GINS1: variants seen among roughly 807,000 people sequenced by gnomAD.
The protein encoded by GINS1 is GINS complex subunit 1, also known as DNA replication complex GINS protein PSF1.
In GINS1, 26 loss-of-function variants were observed where a neutral mutation model predicts 34.9. The ratio of observed to expected loss-of-function variants is 0.74; its 90% CI spans 0.55 to 1.03. GINS1 has a LOEUF of 1.03. Among genes scored for constraint, GINS1 ranks in the 50% least tolerant of loss-of-function variants. The probability of loss-of-function intolerance (pLI) is 0.00; values close to 1 mark genes in which losing one functional copy is unlikely to be tolerated. For synonymous variants in GINS1, 97 were observed against 84.4 expected (o/e 1.15, Z -0.82); for missense variants, 235 against 237.9 (o/e 0.99, Z 0.08).
intron 1 of GINS1, 142 bp downstream of exon 1, chr20:25,408,037 A>T (rs1475491157): frequency 3.0e-6 from 2 of 660,892 alleles, no homozygotes; most frequent in Non-Finnish European, 5.5e-6. Context: ...AACAAAATTC[A>T]GGAGGAAAGA....
chr20:25,430,366 T>G (rs150307049), intron 5 of GINS1, among the ~76,000 whole-genome samples: 1 of 152,376 alleles, frequency 6.6e-6, no homozygotes, highest in African/African-American at 2.4e-5. Context: ...CTGTATCAAT[T>G]GAAATGATCA....
intron 4 of GINS1, among the ~76,000 whole-genome samples, chr20:25,418,488 A>T (rs1288902363): frequency 1.3e-5 from 2 of 152,162 alleles, no homozygotes; most frequent in Non-Finnish European, 2.9e-5. Context: ...ATTCCATGAA[A>T]TGTTTACATG....
rs1328634471 is a variant in GINS1, at chr20:25,448,271, C to T, written c.*2280C>T. On this transcript the variant is annotated 3_prime_UTR_variant, in exon 7 of 7. Coordinates refer to ENST00000262460, the MANE Select transcript of GINS1 (RefSeq NM_021067.5). The stretch of plus-strand genomic sequence containing the variant: ...TCTTAATAATATTGAGTCTTCTGGC[C>T]TATAAACAAGGTCTGTCTTCCTAGG... The T allele has an allele frequency of 6.6e-6, 1 of 152,156 alleles. No individual in the cohort carries two copies. Among genetic ancestry groups the T allele is most frequent in the Non-Finnish European group, 1.5e-5 (1 of 68,042 alleles). The allele number at this position is 152,156 out of a possible 1,614,324, so 9.4% of individuals were successfully genotyped here. A position where few individuals can be genotyped will look rare whatever the true frequency, so the allele number is the denominator to read the frequency against.
chr20:25,414,832 A>G (rs2090310060), intron 2 of GINS1, among the ~76,000 whole-genome samples: 1 of 152,244 alleles, frequency 6.6e-6, no homozygotes, highest in Non-Finnish European at 1.5e-5. Context: ...GGATATAAAT[A>G]GGAGCAGCAG....
intron 1 of GINS1, among the ~76,000 whole-genome samples, chr20:25,409,538 A>C (rs2090270108): frequency 6.6e-6 from 1 of 152,200 alleles, no homozygotes; most frequent in Non-Finnish European, 1.5e-5. Context: ...GGTAAACAAC[A>C]TCAGAGTTCA....
At chr20:25,423,392 G>A (rs2500447) in intron 4 of GINS1, among the ~76,000 whole-genome samples, 4,026 of 147,786 alleles carry the variant, frequency 0.027, 174 homozygotes, top group African/African-American at 0.091. Flanking sequence ...GATTACAGGA[G>A]TGAGCCACCG....
chr20:25,412,415 C>A (rs6037112), intron 1 of GINS1, among the ~76,000 whole-genome samples: 15 of 150,926 alleles, frequency 9.9e-5, no homozygotes, highest in Non-Finnish European at 1.9e-4. Flanking sequence ...ATTAGCCAGG[C>A]GTGGTGGTGG....
At chr20:25,430,689 C>A (rs2090422283) in intron 5 of GINS1, among the ~76,000 whole-genome samples, 2 of 152,180 alleles carry the variant, frequency 1.3e-5, no homozygotes, top group Non-Finnish European at 1.5e-5. Flanking sequence ...TGCCACCACA[C>A]CCGGCTAATT....
At chr20:25,427,137 A>C (rs1600932311) in intron 5 of GINS1, among the ~76,000 whole-genome samples, 1 of 152,154 alleles carries the variant, frequency 6.6e-6, no homozygotes, top group East Asian at 1.9e-4. Context: ...TTTTCTCCAC[A>C]TCCTCACCAA....
At chr20:25,407,954 G>T (rs2090257554) in intron 1 of GINS1, 59 bp downstream of exon 1, 1 of 1,289,502 alleles carries the variant, frequency 7.8e-7, no homozygotes, top group Admixed American at 1.7e-5. Flanking sequence ...GCTCTGGGGC[G>T]GGGCGGCTCC....
At chr20:25,422,719 T>C (rs1010068599) in intron 4 of GINS1, among the ~76,000 whole-genome samples, 7 of 152,236 alleles carry the variant, frequency 4.6e-5, no homozygotes, top group African/African-American at 1.4e-4. Context: ...TGACTTTCAC[T>C]AAATGTAATA....
intron 5 of GINS1, among the ~76,000 whole-genome samples, chr20:25,440,843 A>G (rs1234771117): frequency 6.6e-6 from 1 of 151,796 alleles, no homozygotes; most frequent in East Asian, 1.9e-4. Context: ...GAAAGAAAAA[A>G]CAGCAAATGC....
At chr20:25,421,078 G>C in intron 4 of GINS1, 2 of 411,226 alleles carry the variant, frequency 4.9e-6, no homozygotes, top group Non-Finnish European at 6.6e-6. Flanking sequence ...ATGGGTGACT[G>C]AAGCACATGG....
intron 4 of GINS1, among the ~76,000 whole-genome samples, chr20:25,424,231 G>A (rs1320777836): frequency 6.6e-6 from 1 of 152,180 alleles, no homozygotes; most frequent in Non-Finnish European, 1.5e-5. Context: ...GTTGGAGCAA[G>A]TTCCCATCTT....
chr20:25,440,260 C>T (rs565937768), intron 5 of GINS1, among the ~76,000 whole-genome samples: 10 of 152,016 alleles, frequency 6.6e-5, no homozygotes, highest in African/African-American at 2.2e-4. Context: ...CTCAGCCTCC[C>T]AAAATGCTGG....
chr20:25,413,883 C>G (rs747631168), intron 2 of GINS1, 29 bp downstream of exon 2: 3 of 1,283,702 alleles, frequency 2.3e-6, no homozygotes, highest in Non-Finnish European at 3.4e-6. Context: ...TATTCTAAAA[C>G]AATTCAATAA....
At chr20:25,423,452 C>CTTTTTTTTTTTTT (rs1159340467) in intron 4 of GINS1, among the ~76,000 whole-genome samples, 15 of 29,990 alleles carry the variant, frequency 5.0e-4, no homozygotes, top group East Asian at 2.3e-3. Context: ...TTTTTCTTTT[C>CTTTTTTTTTTTTT]TTTTTTTTTT....
chr20:25,426,547 T>C (rs956415063), intron 5 of GINS1, among the ~76,000 whole-genome samples: 1 of 151,798 alleles, frequency 6.6e-6, no homozygotes, highest in African/African-American at 2.4e-5. Flanking sequence ...TTTTTTGAGA[T>C]GGAGTTTCAC....
intron 5 of GINS1, among the ~76,000 whole-genome samples, chr20:25,429,080 C>T (rs1483225590): frequency 6.9e-6 from 1 of 144,556 alleles, no homozygotes; most frequent in East Asian, 2.1e-4. Context: ...CCTCCACCTC[C>T]TGGGTTCAAG....
Sources: allele counts gnomAD v4.1 joint callset (sites outside exome capture counted in the v4.1 genomes callset), GRCh38; gene constraint gnomAD v4.1.1; transcripts MANE v1.5; gene names NCBI Gene and HGNC (gene_info 2026-07-23, HGNC 2026-07-21).